Variants in EIPR1 observed in about 807,000 individuals in gnomAD.
EIPR1 encodes the protein EARP and GARP complex-interacting protein 1.
A neutral mutation model predicts 48.1 loss-of-function variants in EIPR1; 25 were observed. The ratio of observed to expected loss-of-function variants is 0.52; its 90% CI spans 0.38 to 0.73. EIPR1 has a LOEUF of 0.73. Ranked by LOEUF, EIPR1 falls within the 30% of genes least tolerant of loss-of-function variation. EIPR1 has a pLI of 0.00. For missense variants in EIPR1, 415 were observed against 506.2 expected (o/e 0.82, Z 1.73); for synonymous variants, 204 against 201.9 (o/e 1.01, Z -0.09).
intron 2 of EIPR1, 29 bp downstream of exon 2, chr2:3,354,521 T>C (rs376781103): frequency 1.9e-6 from 3 of 1,596,774 alleles, no homozygotes; most frequent in South Asian, 2.2e-5. Context: ...TTAGTAATTA[T>C]CATGTATACA....
chr2:3,328,164 A>C (rs1669756677), intron 3 of EIPR1, among the ~76,000 whole-genome samples: 1 of 152,208 alleles, frequency 6.6e-6, no homozygotes, highest in South Asian at 2.1e-4. Context: ...CTCCAGGTCC[A>C]AACATCCGTG....
chr2:3,375,237 G>A (rs1301161670), intron 1 of EIPR1, among the ~76,000 whole-genome samples: 22 of 105,426 alleles, frequency 2.1e-4, no homozygotes, highest in African/African-American at 8.0e-4. Flanking sequence ...TTGTGGGGTG[G>A]GGGGAGGGGG....
At chr2:3,376,903 C>A (rs950548742) in intron 1 of EIPR1, among the ~76,000 whole-genome samples, 1 of 152,180 alleles carries the variant, frequency 6.6e-6, no homozygotes, top group African/African-American at 2.4e-5. Flanking sequence ...TCATCTTCCT[C>A]CCCCGCTCAT....
At position 3,189,400 on chromosome 2, in the gene EIPR1, C is replaced by G; in HGVS notation, c.1098G>C (p.Leu366=). 1 of 1,603,720 alleles carries G rather than the reference C, an allele frequency of 6.2e-7. No individual in the cohort carries two copies. The highest frequency in any genetic ancestry group is 1.1e-5 in the South Asian group (1 of 89,588). Residue 366 remains leucine, a synonymous_variant, in exon 9 of 9, where the codon CTG becomes CTC. Coordinates refer to ENST00000382125, the MANE Select transcript of EIPR1 (RefSeq NM_003310.5). The surrounding 1 kb of genome is among the most constrained non-coding windows in gnomAD (Gnocchi z 4.6). ...SSADPWLFAS[L]SYDGRLVINR... Reference sequence around the variant, plus strand: ...TGATCACGAGCCTCCCGTCATAGCTCAGGGAGGCAAACAGCCACGGGTCAG... The same window carrying G: ...TGATCACGAGCCTCCCGTCATAGCTGAGGGAGGCAAACAGCCACGGGTCAG...
intron 3 of EIPR1, chr2:3,262,236 T>G (rs1667355557): frequency 1.3e-5 from 2 of 152,254 alleles, no homozygotes; most frequent in Admixed American, 1.3e-4. Context: ...TCTCCCATTT[T>G]CTATCATAAT....
chr2:3,367,647 G>A lies in EIPR1; in HGVS notation c.42+10001C>T, dbSNP rs1009666661. On this transcript the variant is annotated intron_variant, in intron 1 of 8. Transcript: ENST00000382125. ...TGGAATTCTTTCTAAGGATGCAAAC[G>A]CTGGGCCAATATTTAAAAAGCTATT... 3.9e-5 allele frequency among the ~76,000 whole-genome samples: 6 copies of A among 152,278 alleles called. No individual in the cohort carries two copies. In the South Asian group the frequency reaches 8.3e-4, roughly 21 times the overall value.
intron 8 of EIPR1, among the ~76,000 whole-genome samples, chr2:3,192,054 T>G (rs897458258): frequency 6.6e-6 from 1 of 152,226 alleles, no homozygotes; most frequent in East Asian, 1.9e-4. Flanking sequence ...CTGACTGTGA[T>G]GCGTCTCTTA....
In EIPR1 at chr2:3,312,323, C is replaced by A. The variant is rs1669153146; in HGVS notation, c.259+25694G>T. ...GCTTGGTCAACGGAGGCTAAGGTTG[C>A]ACTGCTTTTTAGGCGGCTGTGGCAT... On this transcript the variant is annotated intron_variant, in intron 3 of 8. Coordinates refer to ENST00000382125, the MANE Select transcript of EIPR1 (RefSeq NM_003310.5). This position sits in a 1 kb window ranked among gnomAD's most constrained non-coding sequence, Gnocchi z 5.5. 1.3e-5 allele frequency among the ~76,000 whole-genome samples: 2 copies of A among 152,162 alleles called. No individual in the cohort carries two copies. The highest frequency in any genetic ancestry group is 4.1e-4 in the South Asian group (2 of 4,828).
chr2:3,258,861 T>C (rs1203402595), intron 3 of EIPR1, among the ~76,000 whole-genome samples: 1 of 152,226 alleles, frequency 6.6e-6, no homozygotes, highest in Non-Finnish European at 1.5e-5. Flanking sequence ...TCATATAATG[T>C]TCACACTTCC....
At chr2:3,338,508 A>C (rs944500823) in intron 2 of EIPR1, among the ~76,000 whole-genome samples, 1 of 152,232 alleles carries the variant, frequency 6.6e-6, no homozygotes, top group Non-Finnish European at 1.5e-5. Flanking sequence ...CCATATCAGC[A>C]AGGTCCTCCC....
rs1668184027 is a variant in EIPR1, at chr2:3,286,301, T to C, written c.260-28846A>G. On this transcript the variant is annotated intron_variant, in intron 3 of 8. Coordinates refer to ENST00000382125, the MANE Select transcript of EIPR1 (RefSeq NM_003310.5). The surrounding 1 kb of genome is among the most constrained non-coding windows in gnomAD (Gnocchi z 4.2). ...CAACTGCCGTCACCGTGCCTGCCTG[T>C]GTATGACGTGTACACACACTGCTCC... is the stretch of plus-strand genomic sequence containing the variant. Among the ~76,000 whole-genome samples, 1 of 152,326 alleles carries C rather than the reference T, an allele frequency of 6.6e-6. No individual in the cohort carries two copies. The highest frequency in any genetic ancestry group is 2.4e-5 in the African/African-American group (1 of 41,582).
intron 5 of EIPR1, chr2:3,208,878 C>T (rs2103126328): frequency 6.5e-7 from 1 of 1,549,754 alleles, no homozygotes; most frequent in Non-Finnish European, 8.7e-7. Flanking sequence ...TGTTCCTCTT[C>T]CCCACAAGGC....
At chr2:3,208,737 G>C in intron 5 of EIPR1, 1 of 1,547,038 alleles carries the variant, frequency 6.5e-7, no homozygotes, top group Non-Finnish European at 8.7e-7. Context: ...GGCTCGTGGC[G>C]GGTCCTTCTG....
chr2:3,226,644 G>T (rs752474493), intron 4 of EIPR1, among the ~76,000 whole-genome samples: 1 of 152,074 alleles, frequency 6.6e-6, no homozygotes, highest in Admixed American at 6.6e-5. Context: ...TTTTGCTTTT[G>T]CTGCCTGTGC....
intron 3 of EIPR1, among the ~76,000 whole-genome samples, chr2:3,276,747 C>A (rs891486646): frequency 1.3e-5 from 2 of 152,248 alleles, no homozygotes; most frequent in Non-Finnish European, 2.9e-5. Flanking sequence ...AATTTACCAG[C>A]GGATGGCGTT....
intron 4 of EIPR1, among the ~76,000 whole-genome samples, chr2:3,238,086 C>T (rs1226637753): frequency 6.6e-6 from 1 of 152,140 alleles, no homozygotes; most frequent in Admixed American, 6.5e-5. Context: ...GAAAATTTGG[C>T]TGGACACTGA....
intron 1 of EIPR1, among the ~76,000 whole-genome samples, chr2:3,372,596 C>A (rs1156519155): frequency 3.9e-5 from 6 of 152,086 alleles, no homozygotes; most frequent in Admixed American, 6.6e-5. Context: ...AGAATACTAC[C>A]AACACCTCTA....
At chr2:3,257,657 A>G (rs11685261) in intron 3 of EIPR1, 9 of 460,296 alleles carry the variant, frequency 2.0e-5, no homozygotes, top group Non-Finnish European at 3.4e-5. Context: ...CGTAATCAGC[A>G]TCCTGTTCCC....
chr2:3,374,924 T>C (rs75522516), intron 1 of EIPR1, among the ~76,000 whole-genome samples: 9,720 of 139,862 alleles, frequency 0.069, 259 homozygotes, highest in African/African-American at 0.087. Flanking sequence ...TAAAGACACA[T>C]GCACACGTAT....
Sources: gnomAD v4.1 joint callset for allele counts (sites outside exome capture counted in the v4.1 genomes callset) on GRCh38, gnomAD v4.1.1 for gene constraint, Gnocchi (gnomAD v3.1) non-coding constraint, MANE v1.5 for transcripts, NCBI Gene and HGNC (gene_info 2026-07-23, HGNC 2026-07-21) for gene names.